Variants in ERBB2 observed in about 807,000 individuals in gnomAD.
ERBB2 encodes erb-b2 receptor tyrosine kinase 2, also known as receptor tyrosine-protein kinase erbB-2.
ERBB2 carries 61 observed loss-of-function variants against 149.0 expected under a neutral mutation model. The observed-to-expected ratio is 0.41, with a 90% CI of 0.33 to 0.51. The LOEUF is 0.51. Among genes scored for constraint, ERBB2 ranks in the 20% least tolerant of loss-of-function variants. ERBB2 has a pLI of 0.25. For missense variants in ERBB2, 1,205 were observed against 1,655.1 expected (o/e 0.73, Z 4.72); for synonymous variants, 633 against 678.8 (o/e 0.93, Z 1.05).
intron 1 of ERBB2, among the ~76,000 whole-genome samples, chr17:39,701,671 G>A (rs544150366): frequency 2.0e-5 from 3 of 152,250 alleles, no homozygotes; most frequent in African/African-American, 7.2e-5. Context: ...TTGTATTTGT[G>A]TGTCTGGGCT....
At chr17:39,716,686 C>A in intron 14 of ERBB2, 81 bp downstream of exon 14, 1 of 1,236,238 alleles carries the variant, frequency 8.1e-7, no homozygotes, top group Non-Finnish European at 1.2e-6. Context: ...TGGCGAGATG[C>A]AGTAGGGTGT....
Position 39,708,389 on chromosome 17 carries a change from G to T in ERBB2, c.294G>T (p.Arg98Ser), listed in dbSNP as rs2058589256. 2 of 1,614,080 alleles carry T rather than the reference G, an allele frequency of 1.2e-6. No homozygotes were observed. The highest frequency in any genetic ancestry group is 1.7e-6 in the Non-Finnish European group (2 of 1,180,042). The change falls in exon 3 of 27, where the codon AGG (arginine) becomes AGT (serine). Residue 98 changes from arginine to serine, a missense_variant. Arg to Ser is a moderately radical substitution (Grantham distance 110, BLOSUM62 -1). Coordinates refer to ENST00000269571, the MANE Select transcript of ERBB2 (RefSeq NM_004448.4). ...HNQVRQVPLQ[R>S]LRIVRGTQLF... The stretch of plus-strand genomic sequence containing the variant: ...AAGTGAGGCAGGTCCCACTGCAGAG[G>T]CTGCGGATTGTGCGAGGCACCCAGC...
At chr17:39,714,384 G>A (rs1419615730) in intron 9 of ERBB2, among the ~76,000 whole-genome samples, 6 of 152,180 alleles carry the variant, frequency 3.9e-5, no homozygotes, top group East Asian at 3.8e-4. Context: ...AGACTGCCTG[G>A]GTTTGAAACC....
rs763577411 is a variant in ERBB2, at chr17:39,719,771, A to G, written c.1899-16A>G. Reference sequence around the variant, plus strand: ...GGTGGTTCCCAGAATTGTTGATGAGACTGTTTCTCCTGCAGCTGTGTGGAC... The same window carrying G: ...GGTGGTTCCCAGAATTGTTGATGAGGCTGTTTCTCCTGCAGCTGTGTGGAC... On this transcript the variant is annotated splice_polypyrimidine_tract_variant and intron_variant, in intron 15 of 26. Coordinates refer to ENST00000269571, the MANE Select transcript of ERBB2 (RefSeq NM_004448.4). The G allele has an allele frequency of 1.2e-6, 2 of 1,613,862 alleles. No individual in the cohort carries two copies. The highest frequency in any genetic ancestry group is 1.1e-5 in the South Asian group (1 of 91,078).
chr17:39,699,387 G>T (rs2057959798), upstream of ERBB2: 7 of 554,096 alleles, frequency 1.3e-5, no homozygotes, highest in African/African-American at 3.8e-5. Flanking sequence ...CTTGAACCAG[G>T]GAGGCAGAGG....
rs2143046470 is a variant in ERBB2 at position 39,725,633 on chromosome 17, C to T, written c.2726-74C>T. ...TGCTACCTGCCATGATGCTAGACTC[C>T]TGAGCAGAACCTCTGGCTCAGTACA... On this transcript the variant is annotated intron_variant, in intron 22 of 26. Coordinates refer to ENST00000269571, the MANE Select transcript of ERBB2 (RefSeq NM_004448.4). The surrounding 1 kb of genome is among the most constrained non-coding windows in gnomAD (Gnocchi z 4.6). 1 of 1,506,016 alleles carries T rather than the reference C, an allele frequency of 6.6e-7. No homozygotes were observed. The highest frequency in any genetic ancestry group is 9.0e-7 in the Non-Finnish European group (1 of 1,110,368). The allele number at this position is 1,506,016 out of a possible 1,614,324, so 93.3% of individuals were successfully genotyped here. A position where few individuals can be genotyped will look rare whatever the true frequency, so the allele number is the denominator to read the frequency against.
At chr17:39,719,677 A>G (rs1044241257) in intron 15 of ERBB2, 110 bp from the exon 16 acceptor site, 1 of 1,086,424 alleles carries the variant, frequency 9.2e-7, no homozygotes, top group Non-Finnish European at 1.4e-6. Context: ...GCCTTTGTCA[A>G]ATGGGGATAA....
chr17:39,718,507 G>A (rs1361860312), intron 15 of ERBB2, among the ~76,000 whole-genome samples: 1 of 152,188 alleles, frequency 6.6e-6, no homozygotes, highest in African/African-American at 2.4e-5. Flanking sequence ...AAACCAAAAA[G>A]TGTCAAGAGC....
At position 39,726,381 on chromosome 17, in the gene ERBB2, C is replaced by G; in HGVS notation, c.2873-181C>G. On this transcript the variant is annotated intron_variant, in intron 23 of 26. Coordinates refer to ENST00000269571, the MANE Select transcript of ERBB2 (RefSeq NM_004448.4). The surrounding 1 kb of genome is among the most constrained non-coding windows in gnomAD (Gnocchi z 5.1). ...AAGAAAAAAAAAATTAAAAGGGAAA[C>G]TAGAAGAGATGCCAAAGGTTCTGGC... 1.7e-6 allele frequency: 1 copy of G among 597,706 alleles called. No homozygotes were observed. The highest frequency in any genetic ancestry group is 1.9e-5 in the African/African-American group (1 of 53,832). 37.0% of individuals were successfully genotyped at this position (597,706 alleles called of 1,614,324 possible). A position where few individuals can be genotyped will look rare whatever the true frequency, so the allele number is the denominator to read the frequency against.
chr17:39,724,817 T>G lies in ERBB2; in HGVS notation c.2399T>G (p.Leu800Arg), dbSNP rs1272619178. 1 of 1,614,232 alleles carries G rather than the reference T, an allele frequency of 6.2e-7. No homozygotes were observed. The change falls in exon 20 of 27, where the codon CTT (leucine) becomes CGT (arginine). Residue 800 changes from leucine to arginine, a missense_variant. By Grantham distance (102) the Leu-to-Arg change is moderately radical. Around this residue, in one of 6 missense-constraint regions of ERBB2, gnomAD observed 152 missense variants for 318.1 expected, o/e 0.48. Coordinates refer to ENST00000269571, the MANE Select transcript of ERBB2 (RefSeq NM_004448.4). ...TCCACGGTGCAGCTGGTGACACAGC[T>G]TATGCCCTATGGCTGCCTCTTAGAC... ...LTSTVQLVTQ[L>R]MPYGCLLDHV... is the part of the protein sequence containing the mutation.
At chr17:39,716,703 T>C in intron 14 of ERBB2, 98 bp downstream of exon 14, 1 of 1,074,150 alleles carries the variant, frequency 9.3e-7, no homozygotes, top group East Asian at 2.5e-5. Context: ...GTGTGCTATC[T>C]GGTAAAATAT....
Position 39,728,030 on chromosome 17 carries a change from G to T in ERBB2, c.3754G>T (p.Asp1252Tyr), listed in dbSNP as rs184203026. ...TAENPEYLGL[D>Y]VPV Reference sequence around the variant, plus strand: ...AGAGAACCCAGAGTACCTGGGTCTGGACGTGCCAGTGTGAACCAGAAGGCC... The same window carrying T: ...AGAGAACCCAGAGTACCTGGGTCTGTACGTGCCAGTGTGAACCAGAAGGCC... The change falls in exon 27 of 27, where the codon GAC (aspartate) becomes TAC (tyrosine). Residue 1252 changes from aspartate (D) to tyrosine (Y), a missense_variant. Around this residue, in one of 6 missense-constraint regions of ERBB2, gnomAD observed 312 missense variants for 343.8 expected, o/e 0.91. Transcript: ENST00000269571. 6.3e-7 allele frequency: 1 copy of T among 1,593,436 alleles called. No homozygotes were observed. Among genetic ancestry groups the T allele is most frequent in the African/African-American group, 1.3e-5 (1 of 74,610 alleles).
At chr17:39,711,780 A>G (rs1411051080) in intron 7 of ERBB2, 148 bp from the exon 8 acceptor site, 42 of 892,098 alleles carry the variant, frequency 4.7e-5, no homozygotes, top group Non-Finnish European at 6.7e-5. Context: ...GGTTGTTGTG[A>G]GGGGTAAATG....
rs2145518596 is a variant in ERBB2, at chr17:39,710,366, C to T, written c.786C>T (p.Gly262=). Residue 262 remains glycine, a synonymous_variant, in exon 7 of 27, where the codon GGC becomes GGT. Coordinates refer to ENST00000269571, the MANE Select transcript of ERBB2 (RefSeq NM_004448.4). ...CLACLHFNHS[G]ICELHCPALV... ...CCTGCCTCCACTTCAACCACAGTGG[C>T]ATCTGTGAGCTGCACTGCCCAGCCC... is the stretch of plus-strand genomic sequence containing the variant. The T allele has an allele frequency of 3.1e-6, 5 of 1,614,190 alleles. No individual in the cohort carries two copies. The highest frequency in any genetic ancestry group is 4.2e-6 in the Non-Finnish European group (5 of 1,180,028).
chr17:39,713,710 G>A (rs1021420449), intron 9 of ERBB2, among the ~76,000 whole-genome samples: 2 of 148,930 alleles, frequency 1.3e-5, no homozygotes, highest in East Asian at 2.0e-4. Flanking sequence ...CTGAGATTTC[G>A]CTATTGCACT....
chr17:39,715,246 C>G (rs376948246), intron 9 of ERBB2, 40 bp from the exon 10 acceptor site: 8 of 1,571,100 alleles, frequency 5.1e-6, no homozygotes, highest in Non-Finnish European at 6.1e-6. Flanking sequence ...GATGTCCACC[C>G]TGTTCCTGGC....
upstream of ERBB2, among the ~76,000 whole-genome samples, chr17:39,692,298 G>A (rs769905800): frequency 3.1e-4 from 47 of 151,962 alleles, no homozygotes; most frequent in Middle Eastern, 3.2e-3. Context: ...TATTATGGTT[G>A]TTATTTTTGA....
At chr17:39,694,703 G>A (rs1038397561), upstream of ERBB2, 5 of 152,158 alleles carry the variant, frequency 3.3e-5, no homozygotes, top group African/African-American at 1.2e-4. Flanking sequence ...CTCTTCCTTG[G>A]ACCAAAAGTC....
intron 14 of ERBB2, 74 bp downstream of exon 14, chr17:39,716,679 C>A: frequency 7.6e-7 from 1 of 1,307,820 alleles, no homozygotes. Flanking sequence ...GGCAGGATGG[C>A]GAGATGCAGT....
Sources: gnomAD v4.1 joint callset for allele counts (sites outside exome capture counted in the v4.1 genomes callset) on GRCh38, gnomAD v4.1.1 for gene constraint, gnomAD v4.1.1 regional missense constraint, Gnocchi (gnomAD v3.1) non-coding constraint, MANE v1.5 for transcripts, NCBI Gene and HGNC (gene_info 2026-07-23, HGNC 2026-07-21) for gene names.